The following COMMD1 variants were observed in gnomAD, a reference collection of about 807,000 sequenced individuals.
The protein encoded by COMMD1 is COMM domain-containing protein 1.
COMMD1 carries 10 observed loss-of-function variants against 17.2 expected under a neutral mutation model. The ratio of observed to expected loss-of-function variants is 0.58; its 90% CI spans 0.36 to 0.99. The LOEUF is 0.99. COMMD1 is among the 50% of genes least tolerant of loss of function. COMMD1 has a pLI of 0.01. For synonymous variants in COMMD1, 97 were observed against 91.6 expected (o/e 1.06, Z -0.34); for missense variants, 270 against 231.8 (o/e 1.17, Z -1.07).
rs961247846 is a variant in COMMD1, at chr2:62,058,956, T to A, written c.462+57974T>A. 2.6e-5 allele frequency among the ~76,000 whole-genome samples: 4 copies of A among 151,770 alleles called. 1 individual carries two copies. The highest frequency in any genetic ancestry group is 9.7e-5 in the African/African-American group (4 of 41,370). ...CTGCCATGCCCAGCTAATTTTGTAT[T>A]TTTAGTAGAGACGGGGTTTCTCCAT... On this transcript the variant is annotated intron_variant, in intron 2 of 2. Transcript: ENST00000311832.
At chr2:61,907,877 G>A (rs773293385) in intron 1 of COMMD1, among the ~76,000 whole-genome samples, 1 of 152,004 alleles carries the variant, frequency 6.6e-6, no homozygotes, top group Admixed American at 6.6e-5. Flanking sequence ...TTTTAGTAGC[G>A]ACAGGGTTTC....
At chr2:61,910,542 C>A (rs1377603358) in intron 1 of COMMD1, among the ~76,000 whole-genome samples, 2 of 152,116 alleles carry the variant, frequency 1.3e-5, no homozygotes, top group Non-Finnish European at 2.9e-5. Flanking sequence ...CCACTGCGTC[C>A]GGCCCAACAC....
At chr2:61,915,568 C>T (rs917540811) in intron 1 of COMMD1, 18 of 311,806 alleles carry the variant, frequency 5.8e-5, no homozygotes. Context: ...GTCTCACTTG[C>T]AGCCTTGACC....
At chr2:62,119,905 A>G (rs1472537059) in intron 2 of COMMD1, among the ~76,000 whole-genome samples, 5 of 152,300 alleles carry the variant, frequency 3.3e-5, no homozygotes, top group South Asian at 2.1e-4. Context: ...AGCAAGTACT[A>G]TTGCATATTT....
At chr2:61,985,293 G>T (rs1169064619) in intron 1 of COMMD1, among the ~76,000 whole-genome samples, 1 of 152,000 alleles carries the variant, frequency 6.6e-6, no homozygotes, top group Admixed American at 6.6e-5. Flanking sequence ...CTGGTGATCC[G>T]CCCGCCTTGG....
At chr2:61,915,207 T>C (rs912487684) in intron 1 of COMMD1, among the ~76,000 whole-genome samples, 23 of 152,046 alleles carry the variant, frequency 1.5e-4, no homozygotes, top group African/African-American at 5.6e-4. Flanking sequence ...GGTTTCGTCA[T>C]GTTGGTCAGG....
intron 2 of COMMD1, among the ~76,000 whole-genome samples, chr2:62,026,137 C>A (rs1669749986): frequency 6.6e-6 from 1 of 152,130 alleles, no homozygotes; most frequent in African/African-American, 2.4e-5. Context: ...AACTCAGCAA[C>A]CCATCCAGCT....
At chr2:61,983,793 G>T (rs1013699989) in intron 1 of COMMD1, among the ~76,000 whole-genome samples, 4 of 151,820 alleles carry the variant, frequency 2.6e-5, no homozygotes, top group Admixed American at 1.3e-4. Flanking sequence ...ACTGCATTTT[G>T]TTGATCTTTG....
intron 1 of COMMD1, among the ~76,000 whole-genome samples, chr2:61,928,451 A>G (rs770121188): frequency 3.9e-5 from 6 of 152,136 alleles, no homozygotes; most frequent in Admixed American, 6.5e-5. Flanking sequence ...GTGAACCACC[A>G]TGCCCGGCCC....
At chr2:61,997,431 A>G (rs1369398416) in intron 1 of COMMD1, among the ~76,000 whole-genome samples, 5 of 152,124 alleles carry the variant, frequency 3.3e-5, no homozygotes, top group African/African-American at 9.7e-5. Flanking sequence ...GGTCTGCAGA[A>G]TGAATGCTGT....
At chr2:61,900,894 T>A (rs1490228867), upstream of COMMD1, among the ~76,000 whole-genome samples, 3 of 152,206 alleles carry the variant, frequency 2.0e-5, no homozygotes, top group African/African-American at 7.2e-5. Flanking sequence ...TCAAAAAGTT[T>A]AAGATTCATA....
chr2:62,114,387 C>T (rs1453506139), intron 2 of COMMD1, among the ~76,000 whole-genome samples: 1 of 152,176 alleles, frequency 6.6e-6, no homozygotes, highest in African/African-American at 2.4e-5. Context: ...CATACTACCT[C>T]CCTTGCTCTT....
At chr2:62,012,270 T>TACACACACACACACACACACACAC (rs57739132) in intron 2 of COMMD1, among the ~76,000 whole-genome samples, 1 of 129,896 alleles carries the variant, frequency 7.7e-6, no homozygotes, top group Non-Finnish European at 1.6e-5. Flanking sequence ...CACACACACA[T>TACACACACACACACACACACACAC]ACACACACAC....
At chr2:61,945,060 T>A (rs1476752805) in intron 1 of COMMD1, among the ~76,000 whole-genome samples, 6 of 152,224 alleles carry the variant, frequency 3.9e-5, no homozygotes, top group Middle Eastern at 3.4e-3. Flanking sequence ...TCAAACCTGA[T>A]GGGAGAAAGA....
intron 1 of COMMD1, among the ~76,000 whole-genome samples, chr2:61,892,272 A>T (rs1417311143): frequency 6.6e-6 from 1 of 152,120 alleles, no homozygotes; most frequent in African/African-American, 2.4e-5. Context: ...TAATTTATGA[A>T]ATAGGTTTTA....
chr2:61,980,964 T>C (rs1671938958), intron 1 of COMMD1, among the ~76,000 whole-genome samples: 1 of 152,228 alleles, frequency 6.6e-6, no homozygotes, highest in Non-Finnish European at 1.5e-5. Context: ...TTGAGAAATG[T>C]CTGTTCAGCT....
chr2:61,893,016 C>T (rs1162435162), intron 1 of COMMD1, among the ~76,000 whole-genome samples: 5 of 151,906 alleles, frequency 3.3e-5, no homozygotes, highest in Admixed American at 6.5e-5. Context: ...TATAGGCATG[C>T]GCCACCGTGG....
At chr2:61,933,058 A>T (rs1670510432) in intron 1 of COMMD1, among the ~76,000 whole-genome samples, 3 of 152,234 alleles carry the variant, frequency 2.0e-5, no homozygotes, top group Admixed American at 6.5e-5. Context: ...AGTGGCTCTC[A>T]GTGGGATGGG....
intron 2 of COMMD1, among the ~76,000 whole-genome samples, chr2:62,057,360 T>C (rs1392094554): frequency 1.3e-5 from 2 of 152,166 alleles, no homozygotes; most frequent in Admixed American, 6.6e-5. Context: ...GTGTGTGTGA[T>C]GTTATAATAT....
Sources: allele counts gnomAD v4.1 joint callset (sites outside exome capture counted in the v4.1 genomes callset), GRCh38; gene constraint gnomAD v4.1.1; transcripts MANE v1.5; gene names NCBI Gene and HGNC (gene_info 2026-07-23, HGNC 2026-07-21).